CTNND2: variants seen among roughly 807,000 people sequenced by gnomAD.
CTNND2 encodes catenin delta-2.
In CTNND2, 22 loss-of-function variants were observed where a neutral mutation model predicts 144.4. The ratio of observed to expected loss-of-function variants is 0.15; its 90% CI spans 0.11 to 0.22. The LOEUF (loss-of-function observed/expected upper bound fraction) is 0.22. CTNND2 is among the 10% of genes least tolerant of loss of function. The pLI is 1.00. For missense variants in CTNND2, 1,353 were observed against 1,618.8 expected (o/e 0.84, Z 2.82); for synonymous variants, 751 against 695.6 (o/e 1.08, Z -1.25).
intron 11 of CTNND2, among the ~76,000 whole-genome samples, chr5:11,182,656 TAAAAGAGATACAGC>T (rs1346527354): frequency 6.6e-6 from 1 of 152,124 alleles, no homozygotes. Context: ...TATCTTTGTA[TAAAAGAGATACAGC>T]AAAAGAAACT....
In CTNND2 at chr5:11,380,930, T is replaced by C. The variant is rs963836756; in HGVS notation, c.1177+3735A>G. ...CTACATGCACTTTGATTCTGACAGA[T>C]ATCACCTATGCAAAACCAAGATCTT... On this transcript the variant is annotated intron_variant, in intron 7 of 21. Coordinates refer to ENST00000304623, the MANE Select transcript of CTNND2 (RefSeq NM_001332.4). Among the ~76,000 whole-genome samples the C allele has an allele frequency of 4.6e-5, 7 of 152,182 alleles. No individual in the cohort carries two copies. In the South Asian group the frequency reaches 8.3e-4, roughly 18 times the overall value.
intron 3 of CTNND2, among the ~76,000 whole-genome samples, chr5:11,478,138 A>G (rs1240812928): frequency 6.6e-6 from 1 of 152,088 alleles, no homozygotes; most frequent in African/African-American, 2.4e-5. Context: ...TCTCATATAT[A>G]TGCATGGATG....
At chr5:11,292,980 T>A (rs182501796) in intron 9 of CTNND2, among the ~76,000 whole-genome samples, 3 of 152,178 alleles carry the variant, frequency 2.0e-5, no homozygotes, top group Non-Finnish European at 2.9e-5. Flanking sequence ...TAGAAACTCA[T>A]ACACCAAGCA....
chr5:11,419,143 G>T (rs1762161742), intron 3 of CTNND2, among the ~76,000 whole-genome samples: 1 of 151,530 alleles, frequency 6.6e-6, no homozygotes, highest in African/African-American at 2.4e-5. Flanking sequence ...CTCTACAGGG[G>T]GTCAGAAGGG....
chr5:11,654,162 A>G (rs1452269356), intron 2 of CTNND2, among the ~76,000 whole-genome samples: 1 of 151,956 alleles, frequency 6.6e-6, no homozygotes, highest in African/African-American at 2.4e-5. Context: ...AGTACACTTA[A>G]AAATCAGGTA....
chr5:11,715,483 C>A (rs1786301167), intron 2 of CTNND2, among the ~76,000 whole-genome samples: 1 of 152,174 alleles, frequency 6.6e-6, no homozygotes, highest in African/African-American at 2.4e-5. Flanking sequence ...TCCAAAACCT[C>A]CTGTTAGTCA....
In CTNND2 at chr5:11,904,050, G is replaced by A; in HGVS notation, c.-197C>T. ...GAGAGGCGGCTCCCGACGCGAGTGC[G>A]CAGCGCCCGGCCCGGCGGCCCCTCC... On this transcript the variant is annotated 5_prime_UTR_variant, in exon 1 of 22. Coordinates refer to ENST00000304623, the MANE Select transcript of CTNND2 (RefSeq NM_001332.4). The surrounding 1 kb of genome is among the most constrained non-coding windows in gnomAD (Gnocchi z 4.2). The A allele has an allele frequency of 2.7e-6, 1 of 371,710 alleles. No individual in the cohort carries two copies. Among genetic ancestry groups the A allele is most frequent in the Non-Finnish European group, 4.2e-6 (1 of 237,418 alleles). 23.0% of individuals were successfully genotyped at this position (371,710 alleles called of 1,614,324 possible).
chr5:11,879,339 G>GTATATATATATATATATATA (rs368634452), intron 1 of CTNND2, among the ~76,000 whole-genome samples: 2,565 of 100,580 alleles, frequency 0.026, 214 homozygotes, highest in African/African-American at 0.05. Flanking sequence ...AATTAAATGT[G>GTATATATATATATATATATA]TGTATATATA....
At chr5:11,740,017 C>T (rs1243225714) in intron 1 of CTNND2, among the ~76,000 whole-genome samples, 1 of 152,170 alleles carries the variant, frequency 6.6e-6, no homozygotes, top group African/African-American at 2.4e-5. Context: ...GAACTAAAAA[C>T]CACTGCTCAA....
intron 2 of CTNND2, among the ~76,000 whole-genome samples, chr5:11,717,904 G>A (rs559192386): frequency 1.3e-5 from 2 of 152,174 alleles, no homozygotes; most frequent in East Asian, 3.9e-4. Context: ...TGGGGACACA[G>A]CCAAACCATA....
At chr5:11,554,546 A>G (rs1228940231) in intron 3 of CTNND2, among the ~76,000 whole-genome samples, 1 of 152,198 alleles carries the variant, frequency 6.6e-6, no homozygotes, top group Non-Finnish European at 1.5e-5. Context: ...CAAAATAAAA[A>G]CAATAAGACT....
At chr5:11,432,014 C>T (rs1295286106) in intron 3 of CTNND2, among the ~76,000 whole-genome samples, 1 of 151,868 alleles carries the variant, frequency 6.6e-6, no homozygotes, top group African/African-American at 2.4e-5. Context: ...AAACATTTAC[C>T]TATCTGCTTC....
At chr5:11,147,280 C>A (rs1020593770) in intron 12 of CTNND2, among the ~76,000 whole-genome samples, 1 of 152,106 alleles carries the variant, frequency 6.6e-6, no homozygotes, top group Non-Finnish European at 1.5e-5. Context: ...TTGACAAGGC[C>A]ATAGAGAAGG....
intron 1 of CTNND2, among the ~76,000 whole-genome samples, chr5:11,873,829 C>T (rs73743299): frequency 7.6e-4 from 116 of 152,330 alleles, no homozygotes; most frequent in African/African-American, 2.7e-3. Flanking sequence ...AGTAGCCTTG[C>T]ATCATGCACT....
intron 3 of CTNND2, among the ~76,000 whole-genome samples, chr5:11,541,874 T>C (rs1465102883): frequency 6.8e-6 from 1 of 146,166 alleles, no homozygotes; most frequent in Non-Finnish European, 1.5e-5. Context: ...TTCCAACTTT[T>C]ATTCCTAATT....
At chr5:11,229,910 G>A (rs1039656309) in intron 10 of CTNND2, among the ~76,000 whole-genome samples, 4 of 151,756 alleles carry the variant, frequency 2.6e-5, no homozygotes, top group African/African-American at 9.7e-5. Flanking sequence ...TGGAAGAAAT[G>A]GGGGAAAGTA....
intron 10 of CTNND2, among the ~76,000 whole-genome samples, chr5:11,228,648 G>T (rs1033405430): frequency 3.3e-5 from 5 of 151,938 alleles, no homozygotes; most frequent in Non-Finnish European, 7.4e-5. Context: ...ACCATGCCCA[G>T]CTAATTTTTG....
intron 1 of CTNND2, among the ~76,000 whole-genome samples, chr5:11,882,214 A>C (rs546620417): frequency 6.6e-6 from 1 of 152,092 alleles, no homozygotes; most frequent in Non-Finnish European, 1.5e-5. Flanking sequence ...GAAGTTTCTT[A>C]GTTTAATATT....
chr5:11,350,314 A>T (rs1246589648), intron 8 of CTNND2, among the ~76,000 whole-genome samples: 1 of 152,110 alleles, frequency 6.6e-6, no homozygotes, highest in Non-Finnish European at 1.5e-5. Flanking sequence ...AAAAAAGTAC[A>T]AAAATTATGC....
Sources: allele counts gnomAD v4.1 joint callset (sites outside exome capture counted in the v4.1 genomes callset), GRCh38; gene constraint gnomAD v4.1.1; non-coding constraint Gnocchi (gnomAD v3.1); transcripts MANE v1.5; gene names NCBI Gene and HGNC (gene_info 2026-07-23, HGNC 2026-07-21).